Variants in UGT2B4 observed in about 807,000 individuals in gnomAD.
The protein encoded by UGT2B4 is UDP glucuronosyltransferase family 2 member B4.
Under a neutral mutation model 49.8 loss-of-function variants are expected in UGT2B4, and 49 were observed. The observed-to-expected ratio is 0.98, with a 90% CI of 0.78 to 1.25. The LOEUF (loss-of-function observed/expected upper bound fraction) is 1.25. UGT2B4 is among the 50% of genes most tolerant of loss of function. The pLI is 0.00. For missense variants in UGT2B4, 729 were observed against 627.7 expected, an observed-to-expected ratio of 1.16 and a Z score of -1.73; for synonymous variants, 246 against 217.7, an observed-to-expected ratio of 1.13 and a Z score of -1.14.
At chr4:69,494,456 T>A (rs1382187651) in intron 1 of UGT2B4, among the ~76,000 whole-genome samples, 1 of 152,172 alleles carries the variant, frequency 6.6e-6, no homozygotes, top group Non-Finnish European at 1.5e-5. Flanking sequence ...GCATTCAACC[T>A]TAATTTGGCT....
Position 69,489,512 on chromosome 4 carries a change from C to T in UGT2B4, c.929G>A (p.Gly310Glu). The T allele has an allele frequency of 6.2e-7, 1 of 1,611,550 alleles. No homozygotes were observed. The highest frequency in any genetic ancestry group is 8.5e-7 in the Non-Finnish European group (1 of 1,178,574). ...TTCTGACGTGTTACTGACCATCGACCCCAGAGAAAACACCACAACACCATT... is the reference window on the plus strand; with the variant it reads ...TTCTGACGTGTTACTGACCATCGACTCCAGAGAAAACACCACAACACCATT... Reference protein sequence around the residue: ...GENGVVVFSLGSMVSNTSEER... With the variant: ...GENGVVVFSLESMVSNTSEER... Residue 310 changes from glycine to glutamate, a missense_variant, in exon 3 of 6, where the codon GGG becomes GAG. Coordinates refer to ENST00000305107, the MANE Select transcript of UGT2B4 (RefSeq NM_021139.3).
chr4:69,514,644 G>T (rs544717485), intron 1 of UGT2B4, among the ~76,000 whole-genome samples: 18 of 152,062 alleles, frequency 1.2e-4, no homozygotes, highest in Non-Finnish European at 2.6e-4. Flanking sequence ...CTCAATATCT[G>T]CTTTATTGAA....
intron 1 of UGT2B4, among the ~76,000 whole-genome samples, chr4:69,517,516 G>A (rs908560291): frequency 1.3e-5 from 2 of 152,144 alleles, no homozygotes; most frequent in Non-Finnish European, 2.9e-5. Flanking sequence ...AAAGTTGGCT[G>A]TTCAACTCTT....
chr4:69,512,238 T>C (rs1728622378), intron 1 of UGT2B4, among the ~76,000 whole-genome samples: 1 of 152,024 alleles, frequency 6.6e-6, no homozygotes, highest in Non-Finnish European at 1.5e-5. Context: ...AGCCTGATAA[T>C]TTGGATATCT....
rs751782536 is a variant in UGT2B4 at position 69,495,140 on chromosome 4, C to A, written c.721+1G>T. ...TGTTACCAATCAAAAAAGTTACTTACCTAGAACTTCACTGTAGAACTGATC... is the reference window on the plus strand; with the variant it reads ...TGTTACCAATCAAAAAAGTTACTTAACTAGAACTTCACTGTAGAACTGATC... On this transcript the variant is annotated splice_donor_variant, in intron 1 of 5. Coordinates refer to ENST00000305107, the MANE Select transcript of UGT2B4 (RefSeq NM_021139.3). LOFTEE classifies it high-confidence loss of function. The A allele has an allele frequency of 1.3e-6, 2 of 1,525,826 alleles. No individual in the cohort carries two copies. The highest frequency in any genetic ancestry group is 1.4e-5 in the South Asian group (1 of 73,542). 94.5% of individuals were successfully genotyped at this position (1,525,826 alleles called of 1,614,324 possible).
rs868829157 is a variant in UGT2B4, at chr4:69,486,304, C to A, written c.1090+305G>T. On this transcript the variant is annotated intron_variant, in intron 4 of 5. Coordinates refer to ENST00000305107, the MANE Select transcript of UGT2B4 (RefSeq NM_021139.3). ...AATAACCCTACAGAGGAGGAAAGAA[C>A]AGGTGTAAAGTTGTAGAAATATGAG... Among the ~76,000 whole-genome samples the A allele has an allele frequency of 2.0e-5, 3 of 152,028 alleles. No individual in the cohort carries two copies. The South Asian group carries it at 6.2e-4, about 32-fold the overall frequency.
At chr4:69,524,790 T>A (rs1468495265) in intron 1 of UGT2B4, among the ~76,000 whole-genome samples, 1 of 152,006 alleles carries the variant, frequency 6.6e-6, no homozygotes, top group Non-Finnish European at 1.5e-5. Flanking sequence ...TTATAATGCA[T>A]CATGTTTCTG....
At position 69,495,689 on chromosome 4, in the gene UGT2B4, G is replaced by A. The variant is rs1422791957; in HGVS notation, c.173C>T (p.Ser58Phe). Residue 58 changes from serine to phenylalanine, a missense_variant, in exon 1 of 6, where the codon TCT (serine) becomes TTT (phenylalanine). Coordinates refer to ENST00000305107, the MANE Select transcript of UGT2B4 (RefSeq NM_021139.3). The stretch of plus-strand genomic sequence containing the variant: ...GGGATCGAAAGAAATGGAAGCTGAA[G>A]ATGCCAATACAGTCACCTCATGACC... ...QRGHEVTVLASSASISFDPNS... is the reference protein window; with the variant it reads ...QRGHEVTVLAFSASISFDPNS... 2 of 1,613,914 alleles carry A rather than the reference G, an allele frequency of 1.2e-6. No homozygotes were observed. The highest frequency in any genetic ancestry group is 1.3e-5 in the African/African-American group (1 of 74,914).
intron 1 of UGT2B4, among the ~76,000 whole-genome samples, chr4:69,507,880 C>T (rs573541915): frequency 6.6e-6 from 1 of 152,252 alleles, no homozygotes; most frequent in Non-Finnish European, 1.5e-5. Context: ...AACTAAAGAA[C>T]TTTTGCACAG....
intron 2 of UGT2B4, among the ~76,000 whole-genome samples, chr4:69,492,698 A>T (rs932669973): frequency 3.9e-5 from 6 of 152,108 alleles, no homozygotes; most frequent in African/African-American, 1.4e-4. Flanking sequence ...AATATTTCTG[A>T]ATCACTAACT....
chr4:69,525,789 C>T (rs1050991913), exon 1 of UGT2B4: 59 of 1,163,476 alleles, frequency 5.1e-5, no homozygotes, highest in Non-Finnish European at 6.1e-5. Context: ...AGTTGACTAA[C>T]ATTTATGTTT....
upstream of UGT2B4, among the ~76,000 whole-genome samples, chr4:69,496,201 A>G (rs948735014): frequency 6.6e-6 from 1 of 151,744 alleles, no homozygotes; most frequent in African/African-American, 2.4e-5. Flanking sequence ...ATTTTTCTGT[A>G]TTTTTAGTAG....
intron 1 of UGT2B4, among the ~76,000 whole-genome samples, chr4:69,512,096 A>G (rs1728618382): frequency 6.6e-6 from 1 of 151,202 alleles, no homozygotes; most frequent in Non-Finnish European, 1.5e-5. Flanking sequence ...ACCTCATCTT[A>G]GATTTGTTGA....
rs1321737753 is a variant in UGT2B4 at position 69,508,747 on chromosome 4, A to C, written c.-105-12781T>G. Among the ~76,000 whole-genome samples, 6 of 152,300 alleles carry C rather than the reference A, an allele frequency of 3.9e-5. No individual in the cohort carries two copies. In the South Asian group the frequency reaches 1.0e-3, roughly 26 times the overall value. On this transcript the variant is annotated intron_variant, in intron 1 of 1. Transcript: ENST00000510114. ...AGGGAGAGGATCAGAAAAAATAACT[A>C]CAGGGCACTAGGCTTAATACCCGGC...
At chr4:69,490,447 C>T (rs1445033149) in intron 2 of UGT2B4, among the ~76,000 whole-genome samples, 2 of 152,106 alleles carry the variant, frequency 1.3e-5, no homozygotes, top group African/African-American at 4.8e-5. Flanking sequence ...ATGCGAGAGA[C>T]TGCCAGAACT....
At chr4:69,512,369 A>G (rs551333628) in intron 1 of UGT2B4, among the ~76,000 whole-genome samples, 2 of 151,808 alleles carry the variant, frequency 1.3e-5, no homozygotes, top group Non-Finnish European at 2.9e-5. Flanking sequence ...CAAATTTTTT[A>G]TCTAATTTTC....
At chr4:69,514,249 C>G (rs1296882352) in intron 1 of UGT2B4, among the ~76,000 whole-genome samples, 1 of 152,088 alleles carries the variant, frequency 6.6e-6, no homozygotes, top group Non-Finnish European at 1.5e-5. Context: ...CTCCCACAAC[C>G]CACGACAGGC....
At chr4:69,522,217 C>CATT (rs386400406) in intron 1 of UGT2B4, among the ~76,000 whole-genome samples, 1 of 151,696 alleles carries the variant, frequency 6.6e-6, no homozygotes, top group Admixed American at 6.6e-5. Context: ...AATTAGAAAT[C>CATT]ATATTTACTT....
At chr4:69,517,305 G>C (rs1389029553) in intron 1 of UGT2B4, among the ~76,000 whole-genome samples, 3 of 151,776 alleles carry the variant, frequency 2.0e-5, no homozygotes, top group Non-Finnish European at 4.4e-5. Context: ...TATCAAAAAA[G>C]GATTTTCTGA....
Sources: allele counts gnomAD v4.1 joint callset (sites outside exome capture counted in the v4.1 genomes callset), GRCh38; gene constraint gnomAD v4.1.1; transcripts MANE v1.5; gene names NCBI Gene and HGNC (gene_info 2026-07-23, HGNC 2026-07-21).